The following RASA1 variants were observed in gnomAD, a reference collection of about 807,000 sequenced individuals.
RASA1 encodes the protein ras GTPase-activating protein 1.
RASA1 carries 25 observed loss-of-function variants against 132.2 expected under a neutral mutation model. The observed-to-expected ratio is 0.19, with a 90% CI of 0.14 to 0.26. The LOEUF (loss-of-function observed/expected upper bound fraction) is 0.26. Among genes scored for constraint, RASA1 ranks in the 10% least tolerant of loss-of-function variants. The pLI, the probability that RASA1 is intolerant of heterozygous loss-of-function variation, is 1.00. For synonymous variants in RASA1, 477 were observed against 449.9 expected, an observed-to-expected ratio of 1.06 and a Z score of -0.76; for missense variants, 964 against 1,299.2, an observed-to-expected ratio of 0.74 and a Z score of 3.97.
Position 87,390,829 on chromosome 5 carries a change from A to G in RASA1, c.3090A>G (p.Thr1030=). The change falls in exon 25 of 25, where the codon ACA becomes ACG. Residue 1030 remains threonine (T), a synonymous_variant. Transcript: ENST00000274376. ...QHVLKKLLAI[T]ELLQQKQNQY... ...TATTGAAAAAGCTTCTGGCTATAAC[A>G]GAACTGCTTCAACAAAAACAAAACC... 6.2e-7 allele frequency: 1 copy of G among 1,613,644 alleles called. No individual in the cohort carries two copies. The highest frequency in any genetic ancestry group is 8.5e-7 in the Non-Finnish European group (1 of 1,179,550).
intron 1 of RASA1, among the ~76,000 whole-genome samples, chr5:87,272,411 A>G (rs1753885778): frequency 6.6e-6 from 1 of 152,128 alleles, no homozygotes; most frequent in African/African-American, 2.4e-5. Flanking sequence ...TTAAGCGTGC[A>G]GATTCTGAAG....
chr5:87,348,753 C>G (rs1276438471), intron 7 of RASA1, among the ~76,000 whole-genome samples: 1 of 151,670 alleles, frequency 6.6e-6, no homozygotes, highest in Non-Finnish European at 1.5e-5. Context: ...ACCACTGTGC[C>G]TAGCACAGTC....
chr5:87,271,434 A>C (rs1441278306), intron 1 of RASA1, among the ~76,000 whole-genome samples: 1 of 144,886 alleles, frequency 6.9e-6, no homozygotes, highest in African/African-American at 2.6e-5. Flanking sequence ...GTTAAAAAAA[A>C]CTGTTTTTAG....
At chr5:87,287,710 ACGCC>A (rs769287986) in intron 1 of RASA1, among the ~76,000 whole-genome samples, 11,902 of 69,390 alleles carry the variant, frequency 0.17, 3,373 homozygotes, top group Middle Eastern at 0.26. Context: ...ATATATGTAC[ACGCC>A]ATAGATATAC....
chr5:87,279,546 G>C (rs1467578428), intron 1 of RASA1, among the ~76,000 whole-genome samples: 1 of 152,088 alleles, frequency 6.6e-6, no homozygotes, highest in Non-Finnish European at 1.5e-5. Context: ...TGGATTGTAT[G>C]ATAGTTGCAT....
intron 13 of RASA1, among the ~76,000 whole-genome samples, chr5:87,373,908 G>A (rs1761129900): frequency 6.6e-6 from 1 of 151,656 alleles, no homozygotes; most frequent in Non-Finnish European, 1.5e-5. Flanking sequence ...ATTTCTCCAG[G>A]AATATACTGG....
chr5:87,378,385 T>C lies in RASA1; in HGVS notation c.2345-11T>C, dbSNP rs750436800. 10 of 1,612,126 alleles carry C rather than the reference T, an allele frequency of 6.2e-6. No homozygotes were observed. Among genetic ancestry groups the C allele is most frequent in the African/African-American group, 5.3e-5 (4 of 74,846 alleles). On this transcript the variant is annotated splice_polypyrimidine_tract_variant and intron_variant, in intron 17 of 24. Transcript: ENST00000274376. ...TTTACAAATAATCTTCTAATGTAAA[T>C]ATTTGTGTAGATGAAGCCACTACCC...
At chr5:87,326,941 A>C (rs1290145462) in intron 1 of RASA1, among the ~76,000 whole-genome samples, 2 of 152,192 alleles carry the variant, frequency 1.3e-5, no homozygotes, top group African/African-American at 4.8e-5. Flanking sequence ...AAAATAGGTA[A>C]TTGAGACTAA....
chr5:87,383,815 T>C, intron 21 of RASA1, 35 bp downstream of exon 21: 1 of 1,535,632 alleles, frequency 6.5e-7, no homozygotes, highest in Non-Finnish European at 9.0e-7. Context: ...AAATTCAAAA[T>C]ATTAGAATTA....
chr5:87,374,745 C>A, intron 14 of RASA1, 95 bp from the exon 15 acceptor site: 1 of 1,504,166 alleles, frequency 6.6e-7, no homozygotes, highest in Non-Finnish European at 8.9e-7. Context: ...TTTTTTAAAG[C>A]AGAAATAGGG....
chr5:87,369,991 A>G, intron 12 of RASA1, 91 bp downstream of exon 12: 1 of 1,075,074 alleles, frequency 9.3e-7, no homozygotes, highest in Non-Finnish European at 1.4e-6. Context: ...CATTCAAGAT[A>G]AAGTGACAGA....
chr5:87,284,238 A>G (rs1223739091), intron 1 of RASA1, among the ~76,000 whole-genome samples: 3 of 152,172 alleles, frequency 2.0e-5, no homozygotes, highest in Non-Finnish European at 2.9e-5. Context: ...GTAGTGTTTT[A>G]ATTAAACCAT....
At chr5:87,289,714 G>A (rs1328047837) in intron 1 of RASA1, among the ~76,000 whole-genome samples, 4 of 152,072 alleles carry the variant, frequency 2.6e-5, no homozygotes, top group East Asian at 3.9e-4. Flanking sequence ...AGGTTCAAGC[G>A]ATCTTCCCAC....
In RASA1 at chr5:87,383,706, C is replaced by A; in HGVS notation, c.2691-7C>A. ...AAAAAAAAAAAAAAAATTTCCCTCC[C>A]ATTCAGTGGTTTTGTTTTTCTTCGA... On this transcript the variant is annotated splice_region_variant and splice_polypyrimidine_tract_variant and intron_variant, in intron 20 of 24. Transcript: ENST00000274376. 6.2e-7 allele frequency: 1 copy of A among 1,604,564 alleles called. No individual in the cohort carries two copies.
intron 7 of RASA1, 122 bp from the exon 8 acceptor site, chr5:87,349,089 AAAC>A (rs1561300208): frequency 4.1e-6 from 5 of 1,217,748 alleles, no homozygotes; most frequent in Admixed American, 2.4e-5. Flanking sequence ...CTTAAAAAAA[AAAC>A]AAGTTCCTGG....
rs570147594 is a variant in RASA1 at position 87,284,818 on chromosome 5, T to C, written c.539+15828T>C. Among the ~76,000 whole-genome samples, 3 of 152,312 alleles carry C rather than the reference T, an allele frequency of 2.0e-5. No individual in the cohort carries two copies. The East Asian group carries it at 5.8e-4, about 29-fold the overall frequency. ...TCATATCCTCTAGTTAATATTAGGA[T>C]TCCTGAATATCTTCCTTTTGTATGG... On this transcript the variant is annotated intron_variant, in intron 1 of 24. Transcript: ENST00000274376.
chr5:87,330,855 G>A, intron 1 of RASA1: 1 of 740,722 alleles, frequency 1.4e-6, no homozygotes, highest in Admixed American at 3.9e-5. Context: ...AATTAAAATA[G>A]CATCCTTTAG....
intron 1 of RASA1, among the ~76,000 whole-genome samples, chr5:87,327,332 A>T (rs1757303116): frequency 1.3e-5 from 2 of 152,160 alleles, no homozygotes; most frequent in Admixed American, 6.6e-5. Context: ...TATAAAGCCT[A>T]TGTAGTATTT....
rs1760796647 is a variant in RASA1 at position 87,369,798 on chromosome 5, G to A, written c.1611-15G>A. 1.3e-6 allele frequency: 2 copies of A among 1,591,138 alleles called. No individual in the cohort carries two copies. The highest frequency in any genetic ancestry group is 1.7e-6 in the Non-Finnish European group (2 of 1,161,306). Reference sequence around the variant, plus strand: ...TTTATTAAGCTTCCTAATAATTTTTGTTTTTATTTTAAAGGCCAAACTGTT... The same window carrying A: ...TTTATTAAGCTTCCTAATAATTTTTATTTTTATTTTAAAGGCCAAACTGTT... On this transcript the variant is annotated splice_polypyrimidine_tract_variant and intron_variant, in intron 11 of 24. Coordinates refer to ENST00000274376, the MANE Select transcript of RASA1 (RefSeq NM_002890.3).
Sources: allele counts gnomAD v4.1 joint callset (sites outside exome capture counted in the v4.1 genomes callset), GRCh38; gene constraint gnomAD v4.1.1; transcripts MANE v1.5; gene names NCBI Gene and HGNC (gene_info 2026-07-23, HGNC 2026-07-21).